The following SOX5 variants were observed in gnomAD, a reference collection of about 807,000 sequenced individuals.
SOX5 encodes the protein SRY-box transcription factor 5.
A neutral mutation model predicts 92.0 loss-of-function variants in SOX5; 9 were observed. The ratio of observed to expected loss-of-function variants is 0.10; its 90% CI spans 0.06 to 0.17. The LOEUF is 0.17. Ranked by LOEUF, SOX5 falls within the 10% of genes least tolerant of loss-of-function variation. The probability of loss-of-function intolerance (pLI) is 1.00; values close to 1 mark genes in which losing one functional copy is unlikely to be tolerated. For missense variants in SOX5, 642 were observed against 944.5 expected (o/e 0.68, Z 4.20); for synonymous variants, 344 against 336.3 (o/e 1.02, Z -0.25).
intron 8 of SOX5, among the ~76,000 whole-genome samples, chr12:23,618,858 G>T (rs969033074): frequency 1.3e-5 from 2 of 152,134 alleles, no homozygotes; most frequent in East Asian, 3.9e-4. Context: ...TGGGATAGAG[G>T]TGGAATCCCC....
At chr12:24,040,766 G>T (rs1956439322) in intron 4 of SOX5, among the ~76,000 whole-genome samples, 1 of 152,060 alleles carries the variant, frequency 6.6e-6, no homozygotes. Context: ...CCAGTTCCTC[G>T]GGAGGCTGAG....
chr12:23,598,248 T>G (rs1952793042), intron 9 of SOX5, among the ~76,000 whole-genome samples: 1 of 152,150 alleles, frequency 6.6e-6, no homozygotes, highest in Non-Finnish European at 1.5e-5. Flanking sequence ...AGATGAAATG[T>G]GAAAACTATT....
At chr12:24,132,266 A>C (rs1287539652) in intron 4 of SOX5, among the ~76,000 whole-genome samples, 3 of 152,164 alleles carry the variant, frequency 2.0e-5, no homozygotes, top group Non-Finnish European at 4.4e-5. Context: ...TGATCCTGCT[A>C]TGTATATCCT....
chr12:23,797,930 T>G (rs1249360241), intron 3 of SOX5, among the ~76,000 whole-genome samples: 1 of 152,000 alleles, frequency 6.6e-6, no homozygotes, highest in Non-Finnish European at 1.5e-5. Flanking sequence ...CCTTTGTTTT[T>G]TTGTTTTGTT....
intron 2 of SOX5, among the ~76,000 whole-genome samples, chr12:24,328,228 A>G (rs2140960375): frequency 6.6e-6 from 1 of 152,322 alleles, no homozygotes; most frequent in South Asian, 2.1e-4. Flanking sequence ...TATTTCCTGA[A>G]TATGCCCTCC....
intron 1 of SOX5, among the ~76,000 whole-genome samples, chr12:24,405,116 G>C (rs1187726726): frequency 3.9e-5 from 6 of 152,092 alleles, no homozygotes; most frequent in African/African-American, 1.4e-4. Context: ...ACTGTGGGAC[G>C]ATCAATTTCT....
chr12:24,245,881 T>C (rs960323166), intron 3 of SOX5, among the ~76,000 whole-genome samples: 15 of 152,292 alleles, frequency 9.8e-5, no homozygotes, highest in Admixed American at 2.6e-4. Context: ...AAAAACTTGT[T>C]AGTGATAAAG....
At chr12:24,428,110 C>T (rs1966878452) in intron 1 of SOX5, among the ~76,000 whole-genome samples, 1 of 151,452 alleles carries the variant, frequency 6.6e-6, no homozygotes, top group Non-Finnish European at 1.5e-5. Context: ...TGTGACCGTG[C>T]TAATTATTTA....
intron 4 of SOX5, among the ~76,000 whole-genome samples, chr12:24,195,348 A>G (rs1956910588): frequency 6.6e-6 from 1 of 152,212 alleles, no homozygotes; most frequent in Non-Finnish European, 1.5e-5. Context: ...TTCTAGAGAC[A>G]CAGTTTCAAC....
At chr12:23,729,455 C>T (rs540873567) in intron 6 of SOX5, among the ~76,000 whole-genome samples, 75 of 152,264 alleles carry the variant, frequency 4.9e-4, no homozygotes, top group African/African-American at 1.8e-3. Context: ...TTCCTACATA[C>T]TATGCAATGC....
At chr12:23,968,021 T>A (rs1216838842) in intron 4 of SOX5, among the ~76,000 whole-genome samples, 2 of 152,174 alleles carry the variant, frequency 1.3e-5, no homozygotes, top group African/African-American at 4.8e-5. Flanking sequence ...AGGTAGGCAC[T>A]CCTGTTTGCA....
chr12:23,534,683 A>G (rs2135853217), intron 14 of SOX5, among the ~76,000 whole-genome samples, 161 bp from the exon 15 acceptor site: 1 of 146,254 alleles, frequency 6.8e-6, no homozygotes, highest in Admixed American at 6.8e-5. Context: ...GAACTTTAAT[A>G]CCTTGTTTTT....
chr12:23,841,542 C>G (rs1307981480), intron 3 of SOX5, among the ~76,000 whole-genome samples: 1 of 151,918 alleles, frequency 6.6e-6, no homozygotes, highest in Non-Finnish European at 1.5e-5. Context: ...CTGGAAGCAA[C>G]CAATATGTGC....
intron 1 of SOX5, among the ~76,000 whole-genome samples, chr12:24,536,190 G>A (rs1378474338): frequency 6.6e-6 from 1 of 152,208 alleles, no homozygotes; most frequent in East Asian, 1.9e-4. Context: ...TGTTTCAGGT[G>A]AGCTTGCAAT....
In SOX5 at chr12:23,532,775, G is replaced by GAAAA. The variant is rs1184808560; in HGVS notation, c.*1440_*1443dup. The GAAAA allele has an allele frequency of 1.3e-5, 2 of 159,232 alleles. No individual in the cohort carries two copies. Among genetic ancestry groups the GAAAA allele is most frequent in the African/African-American group, 4.8e-5 (2 of 41,560 alleles). 9.9% of individuals were successfully genotyped at this position (159,232 alleles called of 1,614,324 possible). On this transcript the variant is annotated 3_prime_UTR_variant, in exon 15 of 15. Coordinates refer to ENST00000451604, the MANE Select transcript of SOX5 (RefSeq NM_006940.6). ...CCTCCACCTCACTTCATGGAGGGGT[G>GAAAA]AAAAATACCTTATAAAATCATCAGT... is the stretch of plus-strand genomic sequence containing the variant.
At chr12:23,760,839 T>G (rs1357090842) in intron 3 of SOX5, among the ~76,000 whole-genome samples, 1 of 152,170 alleles carries the variant, frequency 6.6e-6, no homozygotes, top group Non-Finnish European at 1.5e-5. Context: ...GCAGTAGCTT[T>G]ACACACAAGC....
At position 24,173,149 on chromosome 12, in the gene SOX5, C is replaced by T. The variant is rs377241167; in HGVS notation, c.-2+40194G>A. Among the ~76,000 whole-genome samples the T allele has an allele frequency of 9.9e-4, 151 of 152,324 alleles. 1 individual carries two copies. The highest frequency in any genetic ancestry group is 6.2e-4 in the South Asian group (3 of 4,828). ...TCTCCTTTCACCTCATCTAACCCAT[C>T]GCATCGTCCCACCCTCTCGCACATG... On this transcript the variant is annotated intron_variant, in intron 4 of 4. Transcript: ENST00000446891.
At chr12:24,131,600 T>C (rs1368481544) in intron 4 of SOX5, among the ~76,000 whole-genome samples, 2 of 152,196 alleles carry the variant, frequency 1.3e-5, no homozygotes, top group Non-Finnish European at 2.9e-5. Context: ...TTACATATAT[T>C]TATAATCTCA....
intron 4 of SOX5, among the ~76,000 whole-genome samples, chr12:24,212,224 C>A (rs1305170726): frequency 6.6e-6 from 1 of 152,154 alleles, no homozygotes; most frequent in East Asian, 1.9e-4. Context: ...TCTCAAGGTA[C>A]ATGCCAATAA....
Sources: gnomAD v4.1 joint callset for allele counts (sites outside exome capture counted in the v4.1 genomes callset) on GRCh38, gnomAD v4.1.1 for gene constraint, MANE v1.5 for transcripts, NCBI Gene and HGNC (gene_info 2026-07-23, HGNC 2026-07-21) for gene names.